The following ALK variants were observed in gnomAD, a reference collection of about 807,000 sequenced individuals.
The protein encoded by ALK is ALK receptor tyrosine kinase.
ALK carries 74 observed loss-of-function variants against 163.1 expected under a neutral mutation model. The observed-to-expected ratio is 0.45, with a 90% CI of 0.38 to 0.55. The LOEUF (loss-of-function observed/expected upper bound fraction) is 0.55, where lower values mean the gene tolerates loss of function less well. ALK is among the 20% of genes least tolerant of loss of function. The pLI is 0.00. For synonymous variants in ALK, 960 were observed against 843.2 expected (o/e 1.14, Z -2.40); for missense variants, 2,063 against 2,105.3 (o/e 0.98, Z 0.39).
intron 20 of ALK, 38 bp downstream of exon 20, chr2:29,223,304 G>C (rs1286642478): frequency 1.2e-6 from 2 of 1,610,024 alleles, no homozygotes; most frequent in African/African-American, 2.7e-5. Flanking sequence ...CCCCTACACT[G>C]CACCCCTCTC....
At chr2:29,281,862 T>C (rs1665727230) in intron 9 of ALK, among the ~76,000 whole-genome samples, 1 of 152,216 alleles carries the variant, frequency 6.6e-6, no homozygotes, top group Non-Finnish European at 1.5e-5. Context: ...AAATGTACCA[T>C]CTCATTCAGG....
At position 29,651,685 on chromosome 2, in the gene ALK, G is replaced by C. The variant is rs28505068; in HGVS notation, c.952+43165C>G. Among the ~76,000 whole-genome samples the C allele has an allele frequency of 6.6e-3, 1,005 of 152,238 alleles. 22 individuals are homozygous for C. The highest frequency in any genetic ancestry group is 0.023 in the African/African-American group (971 of 41,536). ...CAGCCACAGGGTATCCCTTGGAGTC[G>C]TGTAGTGACAACTTGAGAGTCGTTC... On this transcript the variant is annotated intron_variant, in intron 3 of 28. Coordinates refer to ENST00000389048, the MANE Select transcript of ALK (RefSeq NM_004304.5).
At chr2:29,900,307 C>G (rs1265497428) in intron 1 of ALK, among the ~76,000 whole-genome samples, 2 of 151,964 alleles carry the variant, frequency 1.3e-5, no homozygotes, top group African/African-American at 4.8e-5. Flanking sequence ...TAACAGGGAG[C>G]CCTGGACACT....
At chr2:29,741,717 G>A (rs1419601142) in intron 1 of ALK, among the ~76,000 whole-genome samples, 6 of 152,088 alleles carry the variant, frequency 3.9e-5, no homozygotes, top group Non-Finnish European at 8.8e-5. Flanking sequence ...CATTTGTGAT[G>A]GTTCTTCCAA....
At chr2:29,354,767 C>CA (rs1553415131) in intron 5 of ALK, among the ~76,000 whole-genome samples, 4 of 138,490 alleles carry the variant, frequency 2.9e-5, no homozygotes. Flanking sequence ...TTTTCTTTTT[C>CA]TTTTTTTTTT....
chr2:29,874,009 A>G (rs1464716235), intron 1 of ALK, among the ~76,000 whole-genome samples: 1 of 152,144 alleles, frequency 6.6e-6, no homozygotes, highest in African/African-American at 2.4e-5. Context: ...GGTTCCATAA[A>G]GGATCCTCCT....
chr2:29,421,255 C>G (rs1167571825), intron 4 of ALK, among the ~76,000 whole-genome samples: 1 of 151,468 alleles, frequency 6.6e-6, no homozygotes, highest in Non-Finnish European at 1.5e-5. Context: ...CTTTGGTGAG[C>G]CTTAGTTTAG....
chr2:29,480,156 T>C (rs915494158), intron 4 of ALK, among the ~76,000 whole-genome samples: 1 of 152,188 alleles, frequency 6.6e-6, no homozygotes, highest in African/African-American at 2.4e-5. Context: ...GGAATATGCA[T>C]TGACTATGGT....
At chr2:29,311,844 A>G (rs1051194487) in intron 8 of ALK, among the ~76,000 whole-genome samples, 5 of 152,138 alleles carry the variant, frequency 3.3e-5, no homozygotes, top group Non-Finnish European at 7.3e-5. Flanking sequence ...TGTTGGGACT[A>G]TATCAAGGTA....
At chr2:29,845,333 A>G (rs925325451) in intron 1 of ALK, among the ~76,000 whole-genome samples, 2 of 151,988 alleles carry the variant, frequency 1.3e-5, no homozygotes, top group African/African-American at 4.8e-5. Flanking sequence ...GTTAATAGGG[A>G]CTCTGTAAAT....
At chr2:29,212,460 G>A (rs1029301629) in intron 24 of ALK, among the ~76,000 whole-genome samples, 1 of 152,164 alleles carries the variant, frequency 6.6e-6, no homozygotes, top group South Asian at 2.1e-4. Flanking sequence ...CTCCTTTTTG[G>A]CTTCCATTAT....
chr2:29,403,193 G>A (rs1297433228), intron 4 of ALK, among the ~76,000 whole-genome samples: 1 of 152,128 alleles, frequency 6.6e-6, no homozygotes, highest in South Asian at 2.1e-4. Flanking sequence ...TTCTGTTTCT[G>A]CCACCCTCTC....
chr2:29,777,548 C>T (rs1457787241), intron 1 of ALK, among the ~76,000 whole-genome samples: 2 of 152,154 alleles, frequency 1.3e-5, no homozygotes, highest in Non-Finnish European at 1.5e-5. Context: ...GCAGCAACTT[C>T]TCGCTGACTG....
chr2:29,773,540 C>A (rs541020523), intron 1 of ALK, among the ~76,000 whole-genome samples: 2 of 152,138 alleles, frequency 1.3e-5, no homozygotes, highest in Non-Finnish European at 2.9e-5. Flanking sequence ...GCACTGATGA[C>A]CGCAAAGGGC....
At chr2:29,504,251 T>G (rs949041133) in intron 4 of ALK, among the ~76,000 whole-genome samples, 5 of 151,988 alleles carry the variant, frequency 3.3e-5, no homozygotes, top group African/African-American at 9.7e-5. Context: ...GGGCAGCCAG[T>G]GTGGGGACGC....
At chr2:29,443,836 T>G (rs1670604611) in intron 4 of ALK, among the ~76,000 whole-genome samples, 1 of 152,204 alleles carries the variant, frequency 6.6e-6, no homozygotes, top group Admixed American at 6.5e-5. Flanking sequence ...GAAGTCCTTA[T>G]GCCCCAGGCA....
intron 1 of ALK, among the ~76,000 whole-genome samples, chr2:29,745,560 C>T (rs1210790216): frequency 6.6e-6 from 1 of 152,180 alleles, no homozygotes; most frequent in East Asian, 1.9e-4. Context: ...ATCGTGTCTA[C>T]CTTATGCACT....
chr2:29,878,798 A>G (rs1666785197), intron 1 of ALK, among the ~76,000 whole-genome samples: 1 of 152,182 alleles, frequency 6.6e-6, no homozygotes, highest in South Asian at 2.1e-4. Context: ...AAAGCATTGT[A>G]GTTGACAGAT....
At chr2:29,521,183 C>G (rs1295486050) in intron 4 of ALK, among the ~76,000 whole-genome samples, 2 of 152,132 alleles carry the variant, frequency 1.3e-5, no homozygotes, top group Non-Finnish European at 2.9e-5. Flanking sequence ...GCTAAGTTGC[C>G]CTATAGGGTG....
Sources: gnomAD v4.1 joint callset for allele counts (sites outside exome capture counted in the v4.1 genomes callset) on GRCh38, gnomAD v4.1.1 for gene constraint, MANE v1.5 for transcripts, NCBI Gene and HGNC (gene_info 2026-07-23, HGNC 2026-07-21) for gene names.